RETNLB: variants seen among roughly 807,000 people sequenced by gnomAD.
RETNLB encodes resistin-like beta.
Under a neutral mutation model 6.8 loss-of-function variants are expected in RETNLB, and 11 were observed. That is an observed-to-expected ratio of 1.62 (90% CI 1.02 to 2.68). The LOEUF is 2.68. Ranked by LOEUF, RETNLB falls within the 30% of genes most tolerant of loss-of-function variation. RETNLB has a pLI of 0.00. For missense variants in RETNLB, 146 were observed against 135.7 expected, an observed-to-expected ratio of 1.08 and a Z score of -0.38; for synonymous variants, 57 against 54.2, an observed-to-expected ratio of 1.05 and a Z score of -0.23.
chr3:108,755,643 T>C lies in RETNLB; in HGVS notation c.*135A>G, dbSNP rs897543997. The C allele has an allele frequency of 5.1e-6, 5 of 980,118 alleles. No homozygotes were observed. In the East Asian group the frequency reaches 7.4e-5, roughly 14 times the overall value. The allele number at this position is 980,118 out of a possible 1,614,324, so 60.7% of individuals were successfully genotyped here. A position where few individuals can be genotyped will look rare whatever the true frequency, so the allele number is the denominator to read the frequency against. Reference sequence around the variant, plus strand: ...CAGAGATGACATAAGCACAGAGAGGTACAAAGTTTGTCTTTATTACCCAAG... The same window carrying C: ...CAGAGATGACATAAGCACAGAGAGGCACAAAGTTTGTCTTTATTACCCAAG... On this transcript the variant is annotated 3_prime_UTR_variant, in exon 3 of 3. Coordinates refer to ENST00000295755, the MANE Select transcript of RETNLB (RefSeq NM_032579.3).
In RETNLB at chr3:108,756,525, G is replaced by A. The variant is rs145443805; in HGVS notation, c.191C>T (p.Pro64Leu). The part of the protein sequence containing the change: ...SCASVKSQGR[P>L]SSCPAGMAVT... Reference sequence around the variant, plus strand: ...TTACTCACCAGCAGGGCAGGAGGACGGTCTGCCTTGGCTTTTGACACTAGC... The same window carrying A: ...TTACTCACCAGCAGGGCAGGAGGACAGTCTGCCTTGGCTTTTGACACTAGC... Residue 64 changes from proline (P) to leucine (L), a missense_variant, in exon 2 of 3, where the codon CCG becomes CTG. Transcript: ENST00000295755. 2.4e-5 allele frequency: 39 copies of A among 1,611,702 alleles called. No individual in the cohort carries two copies. The highest frequency in any genetic ancestry group is 3.3e-5 in the South Asian group (3 of 91,016).
chr3:108,755,680 G>T lies in RETNLB; in HGVS notation c.*98C>A. On this transcript the variant is annotated 3_prime_UTR_variant, in exon 3 of 3. Transcript: ENST00000295755. ...CTTTATTACCCAAGAATCAGGAATG[G>T]AACAAATGAAGTGGGACGTTTGAGT... The T allele has an allele frequency of 2.2e-6, 3 of 1,361,242 alleles. No homozygotes were observed. The highest frequency in any genetic ancestry group is 1.3e-5 in the South Asian group (1 of 78,284). 84.3% of individuals were successfully genotyped at this position (1,361,242 alleles called of 1,614,324 possible).
In RETNLB at chr3:108,757,085, T is replaced by C; in HGVS notation, c.101A>G (p.Lys34Arg). Residue 34 changes from lysine to arginine, a missense_variant, in exon 1 of 3, where the codon AAG becomes AGG. Coordinates refer to ENST00000295755, the MANE Select transcript of RETNLB (RefSeq NM_032579.3). Reference protein sequence around the residue: ...QCSLDSVMDKKIKDVLNSLEY... With the variant: ...QCSLDSVMDKRIKDVLNSLEY... ...TAGACTGTTGAGAACATCCTTGATC[T>C]TCTTATCCATAACGGAGTCTAAGGA... is the stretch of plus-strand genomic sequence containing the variant. The C allele has an allele frequency of 6.2e-7, 1 of 1,613,802 alleles. No individual in the cohort carries two copies. The highest frequency in any genetic ancestry group is 8.5e-7 in the Non-Finnish European group (1 of 1,179,858).
chr3:108,756,689 C>T, intron 1 of RETNLB, 101 bp from the exon 2 acceptor site: 1 of 813,786 alleles, frequency 1.2e-6, no homozygotes. Context: ...GACACTGTGT[C>T]CAGAATCAGC....
intron 2 of RETNLB, 27 bp downstream of exon 2, chr3:108,756,481 G>C: frequency 6.8e-7 from 1 of 1,479,306 alleles, no homozygotes; most frequent in South Asian, 1.1e-5. Context: ...CATCGTAGTC[G>C]CCATTCCCTC....
chr3:108,756,953 T>C lies in RETNLB; in HGVS notation c.127+106A>G. On this transcript the variant is annotated intron_variant, in intron 1 of 2. Coordinates refer to ENST00000295755, the MANE Select transcript of RETNLB (RefSeq NM_032579.3). ...AGTGTAGAAAGCCCTCATCAGGGGT[T>C]GGGCTTGGTTGGGATCTTGGGATGG... 1.5e-6 allele frequency: 2 copies of C among 1,332,254 alleles called. 1 individual carries two copies. The highest frequency in any genetic ancestry group is 3.0e-5 in the South Asian group (2 of 66,662). 82.5% of individuals were successfully genotyped at this position (1,332,254 alleles called of 1,614,324 possible). A position where few individuals can be genotyped will look rare whatever the true frequency, so the allele number is the denominator to read the frequency against.
In RETNLB at chr3:108,755,675, G is replaced by T. The variant is rs193069615; in HGVS notation, c.*103C>A. On this transcript the variant is annotated 3_prime_UTR_variant, in exon 3 of 3. Coordinates refer to ENST00000295755, the MANE Select transcript of RETNLB (RefSeq NM_032579.3). ...TTTGTCTTTATTACCCAAGAATCAGGAATGGAACAAATGAAGTGGGACGTT... is the reference window on the plus strand; with the variant it reads ...TTTGTCTTTATTACCCAAGAATCAGTAATGGAACAAATGAAGTGGGACGTT... 1.1e-5 allele frequency: 15 copies of T among 1,319,818 alleles called. No individual in the cohort carries two copies. The African/African-American group carries it at 2.0e-4, about 18-fold the overall frequency. 81.8% of individuals were successfully genotyped at this position (1,319,818 alleles called of 1,614,324 possible).
In RETNLB at chr3:108,757,192, C is replaced by T; in HGVS notation, c.-7G>A. 1 of 1,611,448 alleles carries T rather than the reference C, an allele frequency of 6.2e-7. No individual in the cohort carries two copies. The highest frequency in any genetic ancestry group is 8.5e-7 in the Non-Finnish European group (1 of 1,178,830). On this transcript the variant is annotated 5_prime_UTR_variant, in exon 1 of 3. Transcript: ENST00000295755. ...GGCAAGAGGACGGCCCCATCCTGTACAGAGTCAGTGTCCTGGGGCTGGGAG... is the reference window on the plus strand; with the variant it reads ...GGCAAGAGGACGGCCCCATCCTGTATAGAGTCAGTGTCCTGGGGCTGGGAG...
At chr3:108,756,021 G>T in intron 2 of RETNLB, 116 bp from the exon 3 acceptor site, 9 of 1,138,858 alleles carry the variant, frequency 7.9e-6, no homozygotes, top group Non-Finnish European at 1.1e-5. Flanking sequence ...GTTTCGTGGG[G>T]CCTCAAGCTC....
rs1945251791 is a variant in RETNLB, at chr3:108,756,558, A to G, written c.158T>C (p.Leu53Pro). The G allele has an allele frequency of 6.2e-7, 1 of 1,613,234 alleles. No homozygotes were observed. The highest frequency in any genetic ancestry group is 8.5e-7 in the Non-Finnish European group (1 of 1,179,390). Reference protein sequence around the residue: ...EYSPSPISKKLSCASVKSQGR... With the variant: ...EYSPSPISKKPSCASVKSQGR... ...TTGGCTTTTGACACTAGCACACGAG[A>G]GCTTCTTGCTTATAGGAGAGGGACT... The change falls in exon 2 of 3, where the codon CTC becomes CCC. Residue 53 changes from leucine to proline, a missense_variant. Coordinates refer to ENST00000295755, the MANE Select transcript of RETNLB (RefSeq NM_032579.3).
intron 1 of RETNLB, 89 bp downstream of exon 1, chr3:108,756,970 T>C (rs1945254762): frequency 6.8e-7 from 1 of 1,475,866 alleles, no homozygotes; most frequent in African/African-American, 1.4e-5. Context: ...GGTTGGGATC[T>C]TGGGATGGGA....
At position 108,757,168 on chromosome 3, in the gene RETNLB, G is replaced by A. The variant is rs1576500504; in HGVS notation, c.18C>T (p.Cys6=). 2 of 1,589,530 alleles carry A rather than the reference G, an allele frequency of 1.3e-6. No individual in the cohort carries two copies. The highest frequency in any genetic ancestry group is 2.2e-5 in the East Asian group (1 of 44,870). The change falls in exon 1 of 3, where the codon TGC becomes TGT. Residue 6 remains cysteine, a synonymous_variant. Coordinates refer to ENST00000295755, the MANE Select transcript of RETNLB (RefSeq NM_032579.3). MGPSS[C]LLLILIPLLQ... Reference sequence around the variant, plus strand: ...GAAGGGGGATTAGGATGAGAAGGAGGCAAGAGGACGGCCCCATCCTGTACA... The same window carrying A: ...GAAGGGGGATTAGGATGAGAAGGAGACAAGAGGACGGCCCCATCCTGTACA...
chr3:108,755,955 G>A, intron 2 of RETNLB, 50 bp from the exon 3 acceptor site: 1 of 1,611,812 alleles, frequency 6.2e-7, no homozygotes, highest in Non-Finnish European at 8.5e-7. Flanking sequence ...AATTTAAGAG[G>A]AGGAAGGGCT....
At chr3:108,756,243 G>T (rs1020149664) in intron 2 of RETNLB, among the ~76,000 whole-genome samples, 6 of 152,136 alleles carry the variant, frequency 3.9e-5, no homozygotes, top group Non-Finnish European at 7.4e-5. Context: ...TGATCATTAT[G>T]GGACAATGGA....
Position 108,757,359 on chromosome 3 carries a change from T to G in RETNLB, c.-174A>C. The G allele has an allele frequency of 1.7e-6, 1 of 589,024 alleles. No individual in the cohort carries two copies. The highest frequency in any genetic ancestry group is 2.7e-6 in the Non-Finnish European group (1 of 366,662). The allele number at this position is 589,024 out of a possible 1,614,324, so 36.5% of individuals were successfully genotyped here. A position where few individuals can be genotyped will look rare whatever the true frequency, so the allele number is the denominator to read the frequency against. ...TCTTTAGGCAGTTTGGAGAAGCAGG[T>G]AGGGTTGCTGAAGAACAGATTTATT... On this transcript the variant is annotated 5_prime_UTR_variant, in exon 1 of 3. Coordinates refer to ENST00000295755, the MANE Select transcript of RETNLB (RefSeq NM_032579.3).
rs1576500579 is a variant in RETNLB, at chr3:108,757,368, T to C, written c.-183A>G. 3 of 546,506 alleles carry C rather than the reference T, an allele frequency of 5.5e-6. No individual in the cohort carries two copies. The East Asian group carries it at 9.5e-5, about 17-fold the overall frequency. The allele number at this position is 546,506 out of a possible 1,614,324, so 33.9% of individuals were successfully genotyped here. On this transcript the variant is annotated 5_prime_UTR_variant, in exon 1 of 3. Transcript: ENST00000295755. The stretch of plus-strand genomic sequence containing the variant: ...AGTTTGGAGAAGCAGGTAGGGTTGC[T>C]GAAGAACAGATTTATTCACCAAAAC...
At chr3:108,756,424 T>A (rs949069789) in intron 2 of RETNLB, 84 bp downstream of exon 2, 103 of 940,810 alleles carry the variant, frequency 1.1e-4, no homozygotes, top group Non-Finnish European at 1.7e-4. Context: ...AGACCTGACA[T>A]GGGGGAAGAC....
At chr3:108,756,033 T>C (rs1390707056) in intron 2 of RETNLB, 128 bp from the exon 3 acceptor site, 1 of 1,000,434 alleles carries the variant, frequency 1.0e-6, no homozygotes, top group African/African-American at 1.6e-5. Flanking sequence ...CTCAAGCTCA[T>C]TCAATTTTGC....
At position 108,755,872 on chromosome 3, in the gene RETNLB, C is replaced by T; in HGVS notation, c.242G>A (p.Gly81Asp). ...MAVTGCACGY[G>D]CGSWDVQLET... The stretch of plus-strand genomic sequence containing the variant: ...CAGCTGAACATCCCACGAACCACAG[C>T]CATAGCCACAAGCACAGCCAGTGAC... The change falls in exon 3 of 3, where the codon GGC becomes GAC. Residue 81 changes from glycine to aspartate, a missense_variant. Coordinates refer to ENST00000295755, the MANE Select transcript of RETNLB (RefSeq NM_032579.3). 1.2e-6 allele frequency: 2 copies of T among 1,614,152 alleles called. No homozygotes were observed. The highest frequency in any genetic ancestry group is 8.5e-7 in the Non-Finnish European group (1 of 1,180,032).
Sources: allele counts gnomAD v4.1 joint callset (sites outside exome capture counted in the v4.1 genomes callset), GRCh38; gene constraint gnomAD v4.1.1; transcripts MANE v1.5; gene names NCBI Gene and HGNC (gene_info 2026-07-23, HGNC 2026-07-21).